The following KCNQ2 variants were observed in gnomAD, a reference collection of about 807,000 sequenced individuals.
KCNQ2 encodes potassium voltage-gated channel subfamily KQT member 2.
Under a neutral mutation model 84.8 loss-of-function variants are expected in KCNQ2, and 14 were observed. The ratio of observed to expected loss-of-function variants is 0.17; its 90% CI spans 0.11 to 0.26. The LOEUF (loss-of-function observed/expected upper bound fraction) is 0.26. KCNQ2 is among the 10% of genes least tolerant of loss of function. The probability of loss-of-function intolerance (pLI) is 1.00; values close to 1 mark genes in which losing one functional copy is unlikely to be tolerated. For missense variants in KCNQ2, 788 were observed against 1,254.0 expected, an observed-to-expected ratio of 0.63 and a Z score of 5.61; for synonymous variants, 599 against 554.1, an observed-to-expected ratio of 1.08 and a Z score of -1.14.
chr20:63,461,427 G>T (rs1209111855), intron 1 of KCNQ2, among the ~76,000 whole-genome samples: 1 of 152,142 alleles, frequency 6.6e-6, no homozygotes, highest in African/African-American at 2.4e-5. Flanking sequence ...CCAAACACCA[G>T]CCCCTTCCCC....
At position 63,406,431 on chromosome 20, in the gene KCNQ2, G is replaced by T; in HGVS notation, c.*213C>A. 1.6e-6 allele frequency: 1 copy of T among 637,308 alleles called. No homozygotes were observed. The highest frequency in any genetic ancestry group is 2.6e-6 in the Non-Finnish European group (1 of 377,732). 39.5% of individuals were successfully genotyped at this position (637,308 alleles called of 1,614,324 possible). On this transcript the variant is annotated 3_prime_UTR_variant, in exon 17 of 17. Coordinates refer to ENST00000359125, the MANE Select transcript of KCNQ2 (RefSeq NM_172107.4). The stretch of plus-strand genomic sequence containing the variant: ...GCTGCTCCTGGAGCCACAGGGCCCT[G>T]CCCAGCCCTCCAGCCCCTGTTGGAA...
At chr20:63,441,995 C>T (rs2081174225) in intron 5 of KCNQ2, among the ~76,000 whole-genome samples, 1 of 152,162 alleles carries the variant, frequency 6.6e-6, no homozygotes, top group African/African-American at 2.4e-5. Flanking sequence ...CTGTTCAGAC[C>T]TGATCAGAGT....
intron 7 of KCNQ2, chr20:63,434,772 G>C (rs1459649692): frequency 3.3e-5 from 5 of 152,254 alleles, no homozygotes; most frequent in Non-Finnish European, 7.3e-5. Flanking sequence ...GTAGCAAGGG[G>C]CAGCGCCCGC....
chr20:63,436,486 G>A (rs1159175640), intron 7 of KCNQ2, among the ~76,000 whole-genome samples: 8 of 150,402 alleles, frequency 5.3e-5, no homozygotes, highest in South Asian at 2.1e-4. Flanking sequence ...AGCTGAGATC[G>A]CACCACTGCA....
intron 11 of KCNQ2, among the ~76,000 whole-genome samples, chr20:63,420,934 C>T (rs2080452989): frequency 6.6e-6 from 1 of 152,166 alleles, no homozygotes; most frequent in East Asian, 1.9e-4. Context: ...GCTCCCTGCG[C>T]CTGGCTTGAG....
intron 4 of KCNQ2, among the ~76,000 whole-genome samples, chr20:63,443,400 T>C (rs199840105): frequency 7.1e-3 from 39 of 5,506 alleles, no homozygotes; most frequent in Non-Finnish European, 8.7e-3. Flanking sequence ...ACCATCACCA[T>C]CACCACCATC....
At chr20:63,442,644 AAACCATCACCAC>A (rs1568933366) in intron 4 of KCNQ2, 113 bp from the exon 5 acceptor site, 90 of 788,132 alleles carry the variant, frequency 1.1e-4, no homozygotes, top group South Asian at 2.4e-4. Flanking sequence ...ACCACCACCA[AAACCATCACCAC>A]CACCATCACC....
At position 63,401,306 on chromosome 20, in the gene KCNQ2, C is replaced by T. The variant is rs1480464538; in HGVS notation, c.*5338G>A. On this transcript the variant is annotated 3_prime_UTR_variant, in exon 17 of 17. Transcript: ENST00000359125. ...TCCCAGGGTCGGCCGTCAGCCCCCACCCTTACAAGACGGCAAAGTTCAGCA... is the reference window on the plus strand; with the variant it reads ...TCCCAGGGTCGGCCGTCAGCCCCCATCCTTACAAGACGGCAAAGTTCAGCA... The T allele has an allele frequency of 1.2e-5, 2 of 163,618 alleles. No homozygotes were observed. Among genetic ancestry groups the T allele is most frequent in the African/African-American group, 2.4e-5 (1 of 41,896 alleles). 10.1% of individuals were successfully genotyped at this position (163,618 alleles called of 1,614,324 possible). A position where few individuals can be genotyped will look rare whatever the true frequency, so the allele number is the denominator to read the frequency against.
At chr20:63,437,715 G>A (rs988729875) in intron 7 of KCNQ2, among the ~76,000 whole-genome samples, 2 of 152,404 alleles carry the variant, frequency 1.3e-5, no homozygotes, top group East Asian at 3.9e-4. Context: ...TCCGCTGGCA[G>A]GGATCCTGGT....
intron 12 of KCNQ2, among the ~76,000 whole-genome samples, chr20:63,417,306 G>A (rs1263086102): frequency 6.6e-6 from 1 of 152,210 alleles, no homozygotes; most frequent in Non-Finnish European, 1.5e-5. Context: ...TCCACCGCAC[G>A]AGCCATTTCA....
In KCNQ2 at chr20:63,411,156, G is replaced by A. The variant is rs574241910; in HGVS notation, c.1763+2294C>T. 13 of 376,864 alleles carry A rather than the reference G, an allele frequency of 3.4e-5. No individual in the cohort carries two copies. The East Asian group carries it at 3.8e-4, about 11-fold the overall frequency. 23.3% of individuals were successfully genotyped at this position (376,864 alleles called of 1,614,324 possible). ...CAGCACCGGAGCTGCTGGAGCGCAC[G>A]CCTGTGCCGGGCACCTGGCAGGCCT... On this transcript the variant is annotated intron_variant, in intron 15 of 16. Coordinates refer to ENST00000359125, the MANE Select transcript of KCNQ2 (RefSeq NM_172107.4).
rs1307415280 is a variant in KCNQ2 at position 63,425,090 on chromosome 20, G to A, written c.1218-884C>T. ...CCCGTCTCTGCCTCCGTCTCTACAC[G>A]ACATTCTCTGTGTCTCTGTGTCTTC... On this transcript the variant is annotated intron_variant, in intron 10 of 16. Transcript: ENST00000359125. This position sits in a 1 kb window ranked among gnomAD's most constrained non-coding sequence, Gnocchi z 5.5. Among the ~76,000 whole-genome samples the A allele has an allele frequency of 1.3e-5, 2 of 152,110 alleles. No homozygotes were observed. Among genetic ancestry groups the A allele is most frequent in the East Asian group, 1.9e-4 (1 of 5,184 alleles).
chr20:63,411,136 C>T (rs2080108369), intron 15 of KCNQ2: 1 of 403,662 alleles, frequency 2.5e-6, no homozygotes, highest in African/African-American at 2.1e-5. Context: ...AAAGCCAGCA[C>T]CGGAGCTGCT....
chr20:63,413,767 G>A (rs1195392774), intron 14 of KCNQ2, among the ~76,000 whole-genome samples, 186 bp from the exon 15 acceptor site: 1 of 152,224 alleles, frequency 6.6e-6, no homozygotes, highest in Non-Finnish European at 1.5e-5. Flanking sequence ...CGGGACAGGT[G>A]GGGCTTGCAG....
At chr20:63,462,172 A>G (rs1293739522) in intron 1 of KCNQ2, among the ~76,000 whole-genome samples, 4 of 134,768 alleles carry the variant, frequency 3.0e-5, no homozygotes, top group Admixed American at 1.5e-4. Flanking sequence ...CACCTACCCC[A>G]GGGAGCAGGG....
intron 11 of KCNQ2, among the ~76,000 whole-genome samples, chr20:63,420,586 T>C (rs2080437718): frequency 6.6e-6 from 1 of 151,796 alleles, no homozygotes; most frequent in African/African-American, 2.4e-5. Flanking sequence ...GCACCCAGCC[T>C]CCCGTCTTCC....
At chr20:63,421,465 CT>C (rs1256035452) in intron 11 of KCNQ2, among the ~76,000 whole-genome samples, 1 of 152,180 alleles carries the variant, frequency 6.6e-6, no homozygotes, top group African/African-American at 2.4e-5. Context: ...GCAGCTGCAC[CT>C]CCCCCTGGGG....
chr20:63,442,564 C>G lies in KCNQ2; in HGVS notation c.691-33G>C, dbSNP rs770484829. ...GCAGACGGCACCACCATCATGACCA[C>G]CATCACCAGAAGCATCACCATCACC... On this transcript the variant is annotated intron_variant, in intron 4 of 16. Coordinates refer to ENST00000359125, the MANE Select transcript of KCNQ2 (RefSeq NM_172107.4). 36 of 1,606,022 alleles carry G rather than the reference C, an allele frequency of 2.2e-5. 1 individual carries two copies. The highest frequency in any genetic ancestry group is 2.6e-5 in the Non-Finnish European group (31 of 1,175,466).
rs985287474 is a variant in KCNQ2, at chr20:63,430,940, A to G, written c.1148+400T>C. Among the ~76,000 whole-genome samples the G allele has an allele frequency of 3.9e-5, 6 of 152,216 alleles. No homozygotes were observed. In the East Asian group the frequency reaches 1.2e-3, roughly 29 times the overall value. On this transcript the variant is annotated intron_variant, in intron 9 of 16. Coordinates refer to ENST00000359125, the MANE Select transcript of KCNQ2 (RefSeq NM_172107.4). The stretch of plus-strand genomic sequence containing the variant: ...AGCGCCAGGGCAGGGGAAGCCCCCC[A>G]TCCATCATTCCTGCTCTGCTCACAG...
Sources: gnomAD v4.1 joint callset for allele counts (sites outside exome capture counted in the v4.1 genomes callset) on GRCh38, gnomAD v4.1.1 for gene constraint, Gnocchi (gnomAD v3.1) non-coding constraint, MANE v1.5 for transcripts, NCBI Gene and HGNC (gene_info 2026-07-23, HGNC 2026-07-21) for gene names.